Variants in ADM2 observed in about 807,000 individuals in gnomAD.
ADM2 encodes the protein protein ADM2.
Under a neutral mutation model 7.1 loss-of-function variants are expected in ADM2, and 5 were observed. The ratio of observed to expected loss-of-function variants is 0.71; its 90% CI spans 0.37 to 1.49. The LOEUF is 1.49. Ranked by LOEUF, ADM2 falls within the 40% of genes most tolerant of loss-of-function variation. The probability of loss-of-function intolerance (pLI) is 0.03; values close to 1 mark genes in which losing one functional copy is unlikely to be tolerated. For synonymous variants in ADM2, 123 were observed against 92.8 expected (o/e 1.33, Z -1.87); for missense variants, 236 against 211.2 (o/e 1.12, Z -0.73).
rs2068224967 is a variant in ADM2, at chr22:50,483,483, C to G, written c.*580C>G. ...ACCTCTGTGGCTCCAGCTGCCAACC[C>G]TGGAGCCCAGACCGAGGTGGCCATG... On this transcript the variant is annotated 3_prime_UTR_variant, in exon 3 of 3. Coordinates refer to ENST00000395737, the MANE Select transcript of ADM2 (RefSeq NM_001253845.2). 8.5e-6 allele frequency: 3 copies of G among 352,294 alleles called. No homozygotes were observed. The highest frequency in any genetic ancestry group is 6.2e-5 in the South Asian group (3 of 48,232). The allele number at this position is 352,294 out of a possible 1,614,324, so 21.8% of individuals were successfully genotyped here.
chr22:50,482,494 G>C, intron 2 of ADM2, 73 bp from the exon 3 acceptor site: 1 of 1,433,374 alleles, frequency 7.0e-7, no homozygotes, highest in East Asian at 2.5e-5. Flanking sequence ...CCTGTGTAGA[G>C]GCAAAAGTGG....
chr22:50,486,152 A>C lies in ADM2; in HGVS notation c.*3249A>C. On this transcript the variant is annotated 3_prime_UTR_variant, in exon 3 of 3. Coordinates refer to ENST00000395737, the MANE Select transcript of ADM2 (RefSeq NM_001253845.2). ...ATCCCCATCCTCGCTGGGCCCGCCG[A>C]CCCCGGTGTTAGCAAGAATCCTCTA... 6.6e-6 allele frequency: 1 copy of C among 151,722 alleles called. No homozygotes were observed. Among genetic ancestry groups the C allele is most frequent in the East Asian group, 1.9e-4 (1 of 5,178 alleles). The allele number at this position is 151,722 out of a possible 1,614,324, so 9.4% of individuals were successfully genotyped here.
Position 50,482,768 on chromosome 22 carries a change from G to A in ADM2, c.312G>A (p.Gln104=). 1.9e-6 allele frequency: 3 copies of A among 1,607,686 alleles called. No individual in the cohort carries two copies. Among genetic ancestry groups the A allele is most frequent in the Non-Finnish European group, 2.5e-6 (3 of 1,178,568 alleles). The change falls in exon 3 of 3, where the codon CAG becomes CAA. Residue 104 remains glutamine, a synonymous_variant. Transcript: ENST00000395737. ...CGGGCCCCCGCAGGACCCAAGCCCA[G>A]CTCCTGCGAGTGGGCTGTGTGCTGG... ...RHSGPRRTQA[Q]LLRVGCVLGT... is the part of the protein sequence containing the mutation.
Position 50,485,566 on chromosome 22 carries a change from C to A in ADM2, c.*2663C>A, listed in dbSNP as rs1346502048. The A allele has an allele frequency of 2.0e-5, 3 of 152,334 alleles. No individual in the cohort carries two copies. Among genetic ancestry groups the A allele is most frequent in the African/African-American group, 2.4e-5 (1 of 41,448 alleles). The allele number at this position is 152,334 out of a possible 1,614,324, so 9.4% of individuals were successfully genotyped here. On this transcript the variant is annotated 3_prime_UTR_variant, in exon 3 of 3. Coordinates refer to ENST00000395737, the MANE Select transcript of ADM2 (RefSeq NM_001253845.2). ...GGACACGTGAGGATACAGCCTTGAC[C>A]CCCAGGGGCTGACATTCTAGGGGGA...
intron 2 of ADM2, 69 bp from the exon 3 acceptor site, chr22:50,482,498 A>G: frequency 7.0e-7 from 1 of 1,434,146 alleles, no homozygotes; most frequent in East Asian, 2.5e-5. Flanking sequence ...TGTAGAGGCA[A>G]AAGTGGGCAG....
intron 2 of ADM2, among the ~76,000 whole-genome samples, chr22:50,482,317 G>A (rs1382682998): frequency 2.6e-5 from 4 of 152,186 alleles, no homozygotes; most frequent in Non-Finnish European, 4.4e-5. Context: ...CAGAGGCTGG[G>A]CCGCCGGGGT....
At position 50,483,315 on chromosome 22, in the gene ADM2, C is replaced by T; in HGVS notation, c.*412C>T. 2.2e-6 allele frequency: 1 copy of T among 465,028 alleles called. No homozygotes were observed. The highest frequency in any genetic ancestry group is 4.3e-6 in the Non-Finnish European group (1 of 232,250). The allele number at this position is 465,028 out of a possible 1,614,324, so 28.8% of individuals were successfully genotyped here. A position where few individuals can be genotyped will look rare whatever the true frequency, so the allele number is the denominator to read the frequency against. ...CTGGTCCAGTCAGACTGAAGCCCGG[C>T]CTTGTGCCTGGGCTGTTCCTGCTCT... On this transcript the variant is annotated 3_prime_UTR_variant, in exon 3 of 3. Coordinates refer to ENST00000395737, the MANE Select transcript of ADM2 (RefSeq NM_001253845.2).
At chr22:50,482,126 C>T (rs536350400) in intron 2 of ADM2, among the ~76,000 whole-genome samples, 169 bp downstream of exon 2, 1 of 152,314 alleles carries the variant, frequency 6.6e-6, no homozygotes, top group African/African-American at 2.4e-5. Flanking sequence ...GCCAGAGGCC[C>T]CTCTTTCTCT....
rs1214601072 is a variant in ADM2, at chr22:50,484,053, C to T, written c.*1150C>T. The T allele has an allele frequency of 6.6e-6, 1 of 152,318 alleles. No homozygotes were observed. The highest frequency in any genetic ancestry group is 6.5e-5 in the Admixed American group (1 of 15,284). The allele number at this position is 152,318 out of a possible 1,614,324, so 9.4% of individuals were successfully genotyped here. A position where few individuals can be genotyped will look rare whatever the true frequency, so the allele number is the denominator to read the frequency against. ...TCCCACGAGGGTCGCCATGATCACC[C>T]CAACTCTAGAGGCCGCAGCAGAGCT... On this transcript the variant is annotated 3_prime_UTR_variant, in exon 3 of 3. Transcript: ENST00000395737.
rs1299205657 is a variant in ADM2 at position 50,483,327 on chromosome 22, G to A, written c.*424G>A. On this transcript the variant is annotated 3_prime_UTR_variant, in exon 3 of 3. Transcript: ENST00000395737. ...GACTGAAGCCCGGCCTTGTGCCTGG[G>A]CTGTTCCTGCTCTCATGCACAACCA... 1 of 457,248 alleles carries A rather than the reference G, an allele frequency of 2.2e-6. No individual in the cohort carries two copies. Among genetic ancestry groups the A allele is most frequent in the South Asian group, 1.6e-5 (1 of 64,406 alleles). 28.3% of individuals were successfully genotyped at this position (457,248 alleles called of 1,614,324 possible).
At chr22:50,482,468 CT>C (rs2068207951) in intron 2 of ADM2, 98 bp from the exon 3 acceptor site, 7 of 1,413,682 alleles carry the variant, frequency 5.0e-6, no homozygotes, top group Admixed American at 3.1e-5. Context: ...TGGGCTTCCC[CT>C]GGCAGTGACC....
Position 50,481,953 on chromosome 22 carries a change from C to G in ADM2, c.106C>G (p.Pro36Ala), listed in dbSNP as rs1174399385. The G allele has an allele frequency of 2.6e-6, 4 of 1,536,120 alleles. No individual in the cohort carries two copies. The highest frequency in any genetic ancestry group is 1.4e-5 in the African/African-American group (1 of 71,276). The change falls in exon 2 of 3, where the codon CCC becomes GCC. Residue 36 changes from proline (P) to alanine (A), a missense_variant. Transcript: ENST00000395737. ...SLGGDPRPVK[P>A]REPPARSPSS... is the part of the protein sequence containing the mutation. ...GGGCGGGGACCCGCGACCCGTCAAA[C>G]CCAGGTGAGTCCAGGTCTTGGGCCA...
In ADM2 at chr22:50,483,661, C is replaced by T. The variant is rs939330152; in HGVS notation, c.*758C>T. ...AGATCCCCCAGCCCGACTAGACCCACCTCACCTGAAGGGGGTGAGACCCTT... is the reference window on the plus strand; with the variant it reads ...AGATCCCCCAGCCCGACTAGACCCATCTCACCTGAAGGGGGTGAGACCCTT... On this transcript the variant is annotated 3_prime_UTR_variant, in exon 3 of 3. Transcript: ENST00000395737. The T allele has an allele frequency of 1.4e-5, 3 of 220,052 alleles. No individual in the cohort carries two copies. The highest frequency in any genetic ancestry group is 1.9e-5 in the Non-Finnish European group (2 of 107,202). 13.6% of individuals were successfully genotyped at this position (220,052 alleles called of 1,614,324 possible).
rs769538880 is a variant in ADM2 at position 50,481,904 on chromosome 22, C to T, written c.57C>T (p.Leu19=). The change falls in exon 2 of 3, where the codon CTC becomes CTT. Residue 19 remains leucine, a synonymous_variant. Coordinates refer to ENST00000395737, the MANE Select transcript of ADM2 (RefSeq NM_001253845.2). ...GCATCAGCCTCCTCTGCCTGCAGCT[C>T]CCTGGCTCGCTGTCCCGCAGCCTGG... ...LGCISLLCLQ[L]PGSLSRSLGG... 3.3e-6 allele frequency: 5 copies of T among 1,534,942 alleles called. No individual in the cohort carries two copies. Among genetic ancestry groups the T allele is most frequent in the South Asian group, 1.2e-5 (1 of 83,592 alleles).
At chr22:50,482,442 G>A in intron 2 of ADM2, 125 bp from the exon 3 acceptor site, 1 of 1,383,532 alleles carries the variant, frequency 7.2e-7, no homozygotes, top group Non-Finnish European at 9.3e-7. Flanking sequence ...TCCAGGCTGT[G>A]TGTGGATGGG....
Position 50,481,903 on chromosome 22 carries a change from T to G in ADM2, c.56T>G (p.Leu19Arg), listed in dbSNP as rs2068200131. The G allele has an allele frequency of 6.5e-7, 1 of 1,533,856 alleles. No individual in the cohort carries two copies. Among genetic ancestry groups the G allele is most frequent in the Non-Finnish European group, 8.7e-7 (1 of 1,143,090 alleles). Reference protein sequence around the residue: ...LGCISLLCLQLPGSLSRSLGG... With the variant: ...LGCISLLCLQRPGSLSRSLGG... ...TGCATCAGCCTCCTCTGCCTGCAGCTCCCTGGCTCGCTGTCCCGCAGCCTG... is the reference window on the plus strand; with the variant it reads ...TGCATCAGCCTCCTCTGCCTGCAGCGCCCTGGCTCGCTGTCCCGCAGCCTG... Residue 19 changes from leucine to arginine, a missense_variant, in exon 2 of 3, where the codon CTC (leucine) becomes CGC (arginine). Physicochemically the swap from Leu to Arg is moderately radical, Grantham distance 102. Coordinates refer to ENST00000395737, the MANE Select transcript of ADM2 (RefSeq NM_001253845.2).
At position 50,482,713 on chromosome 22, in the gene ADM2, G is replaced by C. The variant is rs1367798271; in HGVS notation, c.257G>C (p.Gly86Ala). 3 of 1,605,144 alleles carry C rather than the reference G, an allele frequency of 1.9e-6. No homozygotes were observed. Among genetic ancestry groups the C allele is most frequent in the Non-Finnish European group, 1.7e-6 (2 of 1,175,968 alleles). The change falls in exon 3 of 3, where the codon GGC becomes GCC. Residue 86 changes from glycine (G) to alanine (A), a missense_variant. Physicochemically the swap from Gly to Ala is moderately conservative, Grantham distance 60. Transcript: ENST00000395737. Reference sequence around the variant, plus strand: ...ATGGGTCAGCCTCTCCGGGATGGTGGCCGCCAACACTCGGGCCCCCGAAGA... The same window carrying C: ...ATGGGTCAGCCTCTCCGGGATGGTGCCCGCCAACACTCGGGCCCCCGAAGA... ...PVMGQPLRDGGRQHSGPRRHS... is the reference protein window; with the variant it reads ...PVMGQPLRDGARQHSGPRRHS...
chr22:50,482,413 G>A (rs899124797), intron 2 of ADM2, among the ~76,000 whole-genome samples, 154 bp from the exon 3 acceptor site: 3 of 152,182 alleles, frequency 2.0e-5, no homozygotes, highest in African/African-American at 7.2e-5. Context: ...GAGGGGACGC[G>A]GGCTTCCCCT....
intron 2 of ADM2, 52 bp downstream of exon 2, chr22:50,482,009 G>C (rs765293012): frequency 2.0e-6 from 3 of 1,490,156 alleles, no homozygotes; most frequent in East Asian, 2.7e-5. Flanking sequence ...CAGGGAAGCA[G>C]AGTGCCGGGG....
Sources: gnomAD v4.1 joint callset for allele counts (sites outside exome capture counted in the v4.1 genomes callset) on GRCh38, gnomAD v4.1.1 for gene constraint, MANE v1.5 for transcripts, NCBI Gene and HGNC (gene_info 2026-07-23, HGNC 2026-07-21) for gene names.